CRACR2A: variants seen among roughly 807,000 people sequenced by gnomAD.
The protein encoded by CRACR2A is calcium release activated channel regulator 2A, also known as EF-hand calcium-binding domain-containing protein 4B.
In CRACR2A, 79 loss-of-function variants were observed where a neutral mutation model predicts 90.5. The ratio of observed to expected loss-of-function variants is 0.87; its 90% CI spans 0.73 to 1.05. The LOEUF is 1.05. Among genes scored for constraint, CRACR2A ranks in the 50% least tolerant of loss-of-function variants. The pLI, the probability that CRACR2A is intolerant of heterozygous loss-of-function variation, is 0.00. For missense variants in CRACR2A, 823 were observed against 897.2 expected (o/e 0.92, Z 1.06); for synonymous variants, 338 against 356.7 (o/e 0.95, Z 0.59).
Position 3,745,678 on chromosome 12 carries a change from G to A in CRACR2A, c.-387+7337C>T, listed in dbSNP as rs539333689. ...AATCCCAGCTACTTGGGAGGCTGAG[G>A]CAGGAGAATCGCTTGAACCCAGGAG... is the stretch of plus-strand genomic sequence containing the variant. On this transcript the variant is annotated intron_variant, in intron 1 of 19. Transcript: ENST00000440314. Among the ~76,000 whole-genome samples, 213 of 151,916 alleles carry A rather than the reference G, an allele frequency of 1.4e-3. 2 individuals carry two copies. Among genetic ancestry groups the A allele is most frequent in the African/African-American group, 4.9e-3 (201 of 41,420 alleles).
intron 3 of CRACR2A, among the ~76,000 whole-genome samples, chr12:3,706,294 C>T (rs1322428594): frequency 6.6e-6 from 1 of 152,218 alleles, no homozygotes; most frequent in East Asian, 1.9e-4. Flanking sequence ...TCTCACAGGG[C>T]TGCTCTCTCC....
chr12:3,640,023 A>G (rs1228516709), intron 13 of CRACR2A, among the ~76,000 whole-genome samples: 1 of 152,248 alleles, frequency 6.6e-6, no homozygotes, highest in Non-Finnish European at 1.5e-5. Flanking sequence ...GTTTTTTCAA[A>G]GGCTTTGCAA....
chr12:3,632,736 A>G (rs1944397679), intron 15 of CRACR2A, among the ~76,000 whole-genome samples: 1 of 152,230 alleles, frequency 6.6e-6, no homozygotes. Flanking sequence ...CCTGTCCCCC[A>G]GGGTTGTCGT....
chr12:3,642,732 T>A (rs1046320414), intron 12 of CRACR2A, among the ~76,000 whole-genome samples: 2 of 152,166 alleles, frequency 1.3e-5, no homozygotes, highest in Admixed American at 6.5e-5. Flanking sequence ...GATAAACTAC[T>A]AACATCTGTA....
At chr12:3,655,270 G>T (rs1944880022) in intron 9 of CRACR2A, among the ~76,000 whole-genome samples, 1 of 152,192 alleles carries the variant, frequency 6.6e-6, no homozygotes, top group African/African-American at 2.4e-5. Context: ...GGAACTTAAT[G>T]CATAATAGAG....
chr12:3,619,383 G>C lies in CRACR2A; in HGVS notation c.1933-11C>G, dbSNP rs1157292386. 2 of 1,550,420 alleles carry C rather than the reference G, an allele frequency of 1.3e-6. No individual in the cohort carries two copies. Among genetic ancestry groups the C allele is most frequent in the Admixed American group, 3.9e-5 (2 of 51,008 alleles). On this transcript the variant is annotated splice_polypyrimidine_tract_variant and intron_variant, in intron 17 of 19. Coordinates refer to ENST00000440314, the MANE Select transcript of CRACR2A (RefSeq NM_001144958.2). ...GTCTCCCACAGCTTCCTGCAGAACA[G>C]AAAATGTTTTCAACTGAGAGGGGTG...
intron 17 of CRACR2A, among the ~76,000 whole-genome samples, chr12:3,626,834 T>A (rs755844416): frequency 2.0e-5 from 3 of 152,158 alleles, no homozygotes; most frequent in Non-Finnish European, 4.4e-5. Flanking sequence ...TCCCAGATAA[T>A]TCAGAATGCA....
At chr12:3,734,264 AC>A (rs139070806) in intron 1 of CRACR2A, among the ~76,000 whole-genome samples, 24,146 of 151,790 alleles carry the variant, frequency 0.16, 2,368 homozygotes, top group Admixed American at 0.25. Flanking sequence ...GGTATGAGCC[AC>A]CCCACCCGGC....
At chr12:3,644,889 T>C (rs1052217329) in intron 11 of CRACR2A, among the ~76,000 whole-genome samples, 7 of 152,216 alleles carry the variant, frequency 4.6e-5, no homozygotes, top group African/African-American at 1.7e-4. Context: ...GGATTATGCA[T>C]GGCCTCTCTT....
intron 6 of CRACR2A, among the ~76,000 whole-genome samples, chr12:3,675,206 T>C (rs1945316405): frequency 6.6e-6 from 1 of 152,186 alleles, no homozygotes; most frequent in Non-Finnish European, 1.5e-5. Flanking sequence ...ACAAGCATTA[T>C]ATTTTAGAAA....
chr12:3,672,006 A>G (rs1029167430), intron 7 of CRACR2A, among the ~76,000 whole-genome samples: 4 of 152,204 alleles, frequency 2.6e-5, no homozygotes, highest in Non-Finnish European at 5.9e-5. Context: ...TGGCTACATA[A>G]AAATATACCC....
At chr12:3,673,731 G>A (rs1373189228) in intron 6 of CRACR2A, 139 bp from the exon 7 acceptor site, 12 of 1,064,684 alleles carry the variant, frequency 1.1e-5, no homozygotes, top group African/African-American at 8.0e-5. Flanking sequence ...AACGTGGACC[G>A]AATGCTTGCT....
chr12:3,717,713 T>C (rs1220739386), intron 2 of CRACR2A, among the ~76,000 whole-genome samples: 1 of 152,254 alleles, frequency 6.6e-6, no homozygotes, highest in Non-Finnish European at 1.5e-5. Flanking sequence ...GATTACGCTA[T>C]CTTATTTGTA....
intron 14 of CRACR2A, among the ~76,000 whole-genome samples, chr12:3,636,791 C>T (rs1271508517): frequency 8.5e-5 from 13 of 152,310 alleles, no homozygotes; most frequent in Non-Finnish European, 4.4e-5. Flanking sequence ...GCACCAGGGC[C>T]CTTGAGGAGT....
chr12:3,641,828 G>C lies in CRACR2A; in HGVS notation c.1175C>G (p.Ala392Gly). The C allele has an allele frequency of 6.4e-7, 1 of 1,551,548 alleles. No individual in the cohort carries two copies. The highest frequency in any genetic ancestry group is 8.7e-7 in the Non-Finnish European group (1 of 1,146,866). ...GGAAGCAGCTGTGTTTGCCTTGGCT[G>C]CCTTATTTTTCTGTAGAAACACAAA... Reference protein sequence around the residue: ...ERDICFQKNKAAKANTAASRA... With the variant: ...ERDICFQKNKGAKANTAASRA... Residue 392 changes from alanine (A) to glycine (G), a missense_variant, in exon 13 of 20, where the codon GCA becomes GGA. Ala to Gly is a moderately conservative substitution (Grantham distance 60). Transcript: ENST00000440314.
intron 3 of CRACR2A, among the ~76,000 whole-genome samples, chr12:3,704,010 T>C (rs1412520273): frequency 6.6e-6 from 1 of 152,220 alleles, no homozygotes; most frequent in Non-Finnish European, 1.5e-5. Flanking sequence ...TTGGAAAACA[T>C]TTGACAGTTT....
At chr12:3,707,604 A>C (rs1320397822) in intron 3 of CRACR2A, among the ~76,000 whole-genome samples, 1 of 152,212 alleles carries the variant, frequency 6.6e-6, no homozygotes, top group Non-Finnish European at 1.5e-5. Flanking sequence ...GGTTAATTAG[A>C]TGTATTTCAA....
At chr12:3,720,376 G>A (rs369255262) in intron 2 of CRACR2A, among the ~76,000 whole-genome samples, 4 of 102,742 alleles carry the variant, frequency 3.9e-5, no homozygotes, top group Non-Finnish European at 5.6e-5. Flanking sequence ...AGAGAGAAAC[G>A]AAGGAAGGGG....
rs1007490258 is a variant in CRACR2A at position 3,633,281 on chromosome 12, G to A, written c.1735+323C>T. ...TGACAGTGGGGAGGAGTGGTCAAAA[G>A]GAGGGGGTACTCATTGAAGAGGGGA... On this transcript the variant is annotated intron_variant, in intron 15 of 19. Transcript: ENST00000440314. The surrounding 1 kb of genome is among the most constrained non-coding windows in gnomAD (Gnocchi z 4.5). 3.9e-5 allele frequency among the ~76,000 whole-genome samples: 6 copies of A among 152,124 alleles called. No homozygotes were observed. Among genetic ancestry groups the A allele is most frequent in the South Asian group, 2.1e-4 (1 of 4,820 alleles).
Sources: allele counts gnomAD v4.1 joint callset (sites outside exome capture counted in the v4.1 genomes callset), GRCh38; gene constraint gnomAD v4.1.1; non-coding constraint Gnocchi (gnomAD v3.1); transcripts MANE v1.5; gene names NCBI Gene and HGNC (gene_info 2026-07-23, HGNC 2026-07-21).